Variants in SPAG16 observed in about 807,000 individuals in gnomAD.
SPAG16 encodes sperm-associated antigen 16 protein.
In SPAG16, 86 loss-of-function variants were observed where a neutral mutation model predicts 80.4. The ratio of observed to expected loss-of-function variants is 1.07; its 90% confidence interval spans 0.90 to 1.28. The LOEUF (loss-of-function observed/expected upper bound fraction) is 1.28, where lower values mean the gene tolerates loss of function less well. Among genes scored for constraint, SPAG16 ranks in the 50% most tolerant of loss-of-function variants. The pLI is 0.00. For synonymous variants in SPAG16, 294 were observed against 265.9 expected (o/e 1.11, Z -1.03); for missense variants, 870 against 765.3 (o/e 1.14, Z -1.61).
At position 213,565,459 on chromosome 2, in the gene SPAG16, A is replaced by G. The variant is rs59081641; in HGVS notation, c.1070+75369A>G. ...AAACATAAAATATCATTTGTTATAA[A>G]GCATGCGAGAGCTACTCAAGTGAGA... On this transcript the variant is annotated intron_variant, in intron 10 of 15. Coordinates refer to ENST00000331683, the MANE Select transcript of SPAG16 (RefSeq NM_024532.5). 2.6e-3 allele frequency among the ~76,000 whole-genome samples: 398 copies of G among 152,378 alleles called. 5 individuals carry two copies. Among genetic ancestry groups the G allele is most frequent in the African/African-American group, 8.8e-3 (366 of 41,588 alleles).
At chr2:213,681,501 A>C (rs527410106) in intron 10 of SPAG16, among the ~76,000 whole-genome samples, 1 of 152,146 alleles carries the variant, frequency 6.6e-6, no homozygotes, top group African/African-American at 2.4e-5. Context: ...TCCAATTCCA[A>C]AGAGATCTGA....
At chr2:213,732,330 GCC>G (rs369112629) in intron 10 of SPAG16, among the ~76,000 whole-genome samples, 2 of 80,554 alleles carry the variant, frequency 2.5e-5, no homozygotes, top group Admixed American at 1.3e-4. Flanking sequence ...ATTCACGATT[GCC>G]CCCCCCGCAA....
chr2:213,763,693 A>G (rs1424657332), intron 10 of SPAG16, among the ~76,000 whole-genome samples: 1 of 152,322 alleles, frequency 6.6e-6, no homozygotes, highest in Non-Finnish European at 1.5e-5. Flanking sequence ...GAAAAGAAAA[A>G]TGAACTGGAA....
chr2:214,204,653 C>G (rs549821790), intron 15 of SPAG16, among the ~76,000 whole-genome samples: 52 of 152,332 alleles, frequency 3.4e-4, no homozygotes, highest in African/African-American at 1.3e-3. Context: ...AGGGAGCACC[C>G]TCTTGGACAA....
intron 5 of SPAG16, among the ~76,000 whole-genome samples, chr2:213,333,154 A>T (rs1380154595): frequency 1.3e-5 from 2 of 152,170 alleles, no homozygotes; most frequent in East Asian, 3.8e-4. Flanking sequence ...TGATAAATTC[A>T]GCAAGGTTTC....
chr2:214,218,554 T>C (rs1346964021), intron 15 of SPAG16, among the ~76,000 whole-genome samples: 1 of 152,224 alleles, frequency 6.6e-6, no homozygotes, highest in Admixed American at 6.5e-5. Flanking sequence ...TGTACTCATT[T>C]GGCAGAAGAA....
intron 10 of SPAG16, among the ~76,000 whole-genome samples, chr2:213,836,689 G>C (rs1421732331): frequency 6.6e-6 from 1 of 151,720 alleles, no homozygotes; most frequent in Non-Finnish European, 1.5e-5. Context: ...CTTGGCTCCT[G>C]CAACCTCTGC....
chr2:213,763,095 C>T (rs2068748111), intron 10 of SPAG16, among the ~76,000 whole-genome samples: 1 of 152,102 alleles, frequency 6.6e-6, no homozygotes, highest in African/African-American at 2.4e-5. Context: ...TCACCTCACA[C>T]ATGTTAGGAT....
At chr2:214,228,658 A>G (rs1025333482) in intron 15 of SPAG16, among the ~76,000 whole-genome samples, 2 of 152,010 alleles carry the variant, frequency 1.3e-5, no homozygotes, top group East Asian at 1.9e-4. Flanking sequence ...AAAGTCTGCA[A>G]TTAGGGCCCA....
chr2:214,381,567 G>A (rs1700450295), intron 15 of SPAG16, among the ~76,000 whole-genome samples: 1 of 152,210 alleles, frequency 6.6e-6, no homozygotes, highest in Non-Finnish European at 1.5e-5. Context: ...GTAGAAATCA[G>A]AATTATCTGC....
chr2:214,362,782 A>G (rs1278990364), intron 15 of SPAG16, among the ~76,000 whole-genome samples: 1 of 151,972 alleles, frequency 6.6e-6, no homozygotes, highest in Non-Finnish European at 1.5e-5. Context: ...TAAGCATCTT[A>G]TAATTTTATA....
chr2:213,988,134 AC>A (rs1284477838), intron 12 of SPAG16, among the ~76,000 whole-genome samples: 1 of 151,944 alleles, frequency 6.6e-6, no homozygotes, highest in Non-Finnish European at 1.5e-5. Flanking sequence ...AGTGTTTTTA[AC>A]CCCTTTAAAT....
chr2:213,502,331 C>T (rs1328748875), intron 10 of SPAG16, among the ~76,000 whole-genome samples: 3 of 152,112 alleles, frequency 2.0e-5, no homozygotes, highest in Non-Finnish European at 2.9e-5. Flanking sequence ...CCATGTTTCC[C>T]AGGCTGATCT....
intron 15 of SPAG16, among the ~76,000 whole-genome samples, chr2:214,353,337 T>C (rs1203611342): frequency 1.3e-5 from 2 of 152,086 alleles, no homozygotes; most frequent in African/African-American, 2.4e-5. Context: ...TCTGTGATAA[T>C]ACTATGCATA....
intron 15 of SPAG16, among the ~76,000 whole-genome samples, chr2:214,216,850 C>A (rs1370057785): frequency 6.6e-6 from 1 of 152,126 alleles, no homozygotes; most frequent in Non-Finnish European, 1.5e-5. Flanking sequence ...TAAACTTATT[C>A]TTTCATTGGA....
At chr2:214,010,643 T>A (rs1405740653) in intron 12 of SPAG16, among the ~76,000 whole-genome samples, 1 of 146,476 alleles carries the variant, frequency 6.8e-6, no homozygotes, top group African/African-American at 2.7e-5. Context: ...TTTGAGGAGG[T>A]CAGGTGACCC....
chr2:213,577,526 T>C (rs1417542599), intron 10 of SPAG16, among the ~76,000 whole-genome samples: 1 of 152,158 alleles, frequency 6.6e-6, no homozygotes, highest in Non-Finnish European at 1.5e-5. Flanking sequence ...TCTGCTCAAA[T>C]ACATTAACTA....
chr2:213,780,697 A>G (rs1266348592), intron 10 of SPAG16, among the ~76,000 whole-genome samples: 1 of 151,568 alleles, frequency 6.6e-6, no homozygotes, highest in Non-Finnish European at 1.5e-5. Context: ...AAAGGAGAAT[A>G]ATTTATGTAC....
At chr2:213,622,403 T>C (rs2061819278) in intron 10 of SPAG16, among the ~76,000 whole-genome samples, 1 of 152,222 alleles carries the variant, frequency 6.6e-6, no homozygotes, top group South Asian at 2.1e-4. Context: ...CCTGTTTTCT[T>C]ACACATTGTT....
Sources: gnomAD v4.1 joint callset for allele counts (sites outside exome capture counted in the v4.1 genomes callset) on GRCh38, gnomAD v4.1.1 for gene constraint, MANE v1.5 for transcripts, NCBI Gene and HGNC (gene_info 2026-07-23, HGNC 2026-07-21) for gene names.